The following USP42 variants were observed in gnomAD, a reference collection of about 807,000 sequenced individuals.
The protein encoded by USP42 is ubiquitin carboxyl-terminal hydrolase 42.
A neutral mutation model predicts 113.0 loss-of-function variants in USP42; 23 were observed. The ratio of observed to expected loss-of-function variants is 0.20; its 90% CI spans 0.15 to 0.29. USP42 has a LOEUF of 0.29. Ranked by LOEUF, USP42 falls within the 10% of genes least tolerant of loss-of-function variation. The pLI is 1.00. For synonymous variants in USP42, 933 were observed against 699.0 expected (o/e 1.33, Z -5.28); for missense variants, 2,174 against 1,779.8 (o/e 1.22, Z -3.99).
rs1401333652 is a variant in USP42 at position 6,159,589 on chromosome 7, G to GGGCT, written c.*36+97_*36+100dup. On this transcript the variant is annotated intron_variant, in intron 17 of 17. Transcript: ENST00000306177. This position sits in a 1 kb window ranked among gnomAD's most constrained non-coding sequence, Gnocchi z 4.1. ...AATTCTGCGGCTCTGCCTGGGGGCT[G>GGGCT]GGCTCATAGGAGTTGGCAGAGCCAT... 6 of 1,298,404 alleles carry GGGCT rather than the reference G, an allele frequency of 4.6e-6. No homozygotes were observed. The highest frequency in any genetic ancestry group is 5.4e-6 in the Non-Finnish European group (5 of 922,572). 80.4% of individuals were successfully genotyped at this position (1,298,404 alleles called of 1,614,324 possible). A position where few individuals can be genotyped will look rare whatever the true frequency, so the allele number is the denominator to read the frequency against.
At position 6,139,028 on chromosome 7, in the gene USP42, G is replaced by T; in HGVS notation, c.554-64G>T. The T allele has an allele frequency of 9.9e-7, 1 of 1,006,818 alleles. No homozygotes were observed. The highest frequency in any genetic ancestry group is 1.6e-5 in the South Asian group (1 of 62,832). 62.4% of individuals were successfully genotyped at this position (1,006,818 alleles called of 1,614,324 possible). On this transcript the variant is annotated intron_variant, in intron 4 of 17. Coordinates refer to ENST00000306177, the MANE Select transcript of USP42 (RefSeq NM_032172.3). The surrounding 1 kb of genome is among the most constrained non-coding windows in gnomAD (Gnocchi z 4.5). The stretch of plus-strand genomic sequence containing the variant: ...AACATATTATTATAAGATATATTTT[G>T]GGGGGTACAACTTAGGCTTATTACG...
the USP42 span, among the ~76,000 whole-genome samples, chr7:6,091,714 C>T: frequency 6.7e-6 from 1 of 148,802 alleles, no homozygotes; most frequent in Non-Finnish European, 1.5e-5. Context: ...CACACACACA[C>T]ATATATATGT....
In USP42 at chr7:6,141,128, C is replaced by G. The variant is rs1384847037; in HGVS notation, c.795+144C>G. Reference sequence around the variant, plus strand: ...TAAGATTTCATTTGGAGGAATTATTCAAGCTTTGTAGTAAGCATCATAAAA... The same window carrying G: ...TAAGATTTCATTTGGAGGAATTATTGAAGCTTTGTAGTAAGCATCATAAAA... On this transcript the variant is annotated intron_variant, in intron 7 of 17. Transcript: ENST00000306177. 1.4e-5 allele frequency: 6 copies of G among 420,186 alleles called. No homozygotes were observed. The Admixed American group carries it at 2.4e-4, about 16-fold the overall frequency. The allele number at this position is 420,186 out of a possible 1,614,324, so 26.0% of individuals were successfully genotyped here. A position where few individuals can be genotyped will look rare whatever the true frequency, so the allele number is the denominator to read the frequency against.
At chr7:6,123,675 A>T (rs1454175840) in intron 3 of USP42, among the ~76,000 whole-genome samples, 2 of 151,776 alleles carry the variant, frequency 1.3e-5, no homozygotes. Flanking sequence ...AATAAAAAAT[A>T]AATAAAAATA....
chr7:6,125,784 G>A (rs1780508681), intron 3 of USP42, among the ~76,000 whole-genome samples: 1 of 147,360 alleles, frequency 6.8e-6, no homozygotes, highest in Non-Finnish European at 1.5e-5. Flanking sequence ...ATGCTCAGGG[G>A]TTGTTTATTT....
intron 1 of USP42, among the ~76,000 whole-genome samples, chr7:6,106,870 GGTT>G (rs1441362013): frequency 1.1e-4 from 16 of 152,288 alleles, no homozygotes; most frequent in African/African-American, 3.4e-4. Context: ...CCCACCTGTA[GGTT>G]GTTGTTTTAA....
chr7:6,149,676 A>G lies in USP42; in HGVS notation c.1480A>G (p.Ser494Gly). The G allele has an allele frequency of 6.2e-7, 1 of 1,613,982 alleles. No homozygotes were observed. The highest frequency in any genetic ancestry group is 8.5e-7 in the Non-Finnish European group (1 of 1,179,892). Reference protein sequence around the residue: ...PNGNSSVNRASPVNASASVQN... With the variant: ...PNGNSSVNRAGPVNASASVQN... ...CGGGAATTCCAGTGTCAACAGGGCT[A>G]GTCCTGTTAATGCTTCAGCTTCTGT... Residue 494 changes from serine to glycine, a missense_variant, in exon 13 of 18, where the codon AGT (serine) becomes GGT (glycine). Coordinates refer to ENST00000306177, the MANE Select transcript of USP42 (RefSeq NM_032172.3).
intron 3 of USP42, among the ~76,000 whole-genome samples, chr7:6,133,636 C>T (rs572513801): frequency 6.6e-6 from 1 of 151,922 alleles, no homozygotes; most frequent in Admixed American, 6.6e-5. Flanking sequence ...CATCCCACAT[C>T]AGCCTCTGGA....
intron 14 of USP42, among the ~76,000 whole-genome samples, chr7:6,151,853 C>A (rs182723499): frequency 6.6e-6 from 1 of 152,148 alleles, no homozygotes; most frequent in African/African-American, 2.4e-5. Context: ...ACCACACTCA[C>A]GAGGCACGCG....
Position 6,154,626 on chromosome 7 carries a change from C to T in USP42, c.3072C>T (p.His1024=), listed in dbSNP as rs775125730. 5.0e-6 allele frequency: 8 copies of T among 1,600,568 alleles called. No individual in the cohort carries two copies. The highest frequency in any genetic ancestry group is 6.8e-6 in the Non-Finnish European group (8 of 1,174,990). Reference sequence around the variant, plus strand: ...GGTGCAGTCACCACCACTCCCGACACCGGAGCGGGGTGGAGCTGGACTGGG... The same window carrying T: ...GGTGCAGTCACCACCACTCCCGACATCGGAGCGGGGTGGAGCTGGACTGGG... ...LGRCSHHHSR[H]RSGVELDWVR... is the part of the protein sequence containing the mutation. The change falls in exon 15 of 18, where the codon CAC becomes CAT. Residue 1024 remains histidine (H), a synonymous_variant. Transcript: ENST00000306177.
At chr7:6,091,881 T>C in the USP42 span, among the ~76,000 whole-genome samples, 1 of 150,912 alleles carries the variant, frequency 6.6e-6, no homozygotes. Flanking sequence ...ACCACAGCAC[T>C]CTCAATCGGC....
rs538299886 is a variant in USP42 at position 6,156,698 on chromosome 7, C to T, written c.3642-56C>T. Reference sequence around the variant, plus strand: ...GGGTGGAAAGGCCAAGCTCCAGGGTCTGCTGCTGGTGGTTTTGTGTTTTAG... The same window carrying T: ...GGGTGGAAAGGCCAAGCTCCAGGGTTTGCTGCTGGTGGTTTTGTGTTTTAG... On this transcript the variant is annotated intron_variant, in intron 15 of 17. Coordinates refer to ENST00000306177, the MANE Select transcript of USP42 (RefSeq NM_032172.3). 9.9e-5 allele frequency: 146 copies of T among 1,478,874 alleles called. 3 individuals carry two copies. In the South Asian group the frequency reaches 2.0e-3, roughly 20 times the overall value. 91.6% of individuals were successfully genotyped at this position (1,478,874 alleles called of 1,614,324 possible).
chr7:6,109,450 T>G (rs1779471596), intron 1 of USP42, among the ~76,000 whole-genome samples: 1 of 152,204 alleles, frequency 6.6e-6, no homozygotes, highest in African/African-American at 2.4e-5. Flanking sequence ...TGGAGTGCAG[T>G]GGCATGATCT....
chr7:6,081,734 G>T, the USP42 span: 1 of 152,270 alleles, frequency 6.6e-6, no homozygotes, highest in Non-Finnish European at 1.5e-5. Context: ...AAAGCCGACT[G>T]CGCCTACGTG....
At chr7:6,136,770 A>C (rs1056950069) in intron 4 of USP42, among the ~76,000 whole-genome samples, 10 of 152,122 alleles carry the variant, frequency 6.6e-5, no homozygotes, top group African/African-American at 2.2e-4. Flanking sequence ...AAAATAAAAT[A>C]AGAAATAAAT....
intron 2 of USP42, among the ~76,000 whole-genome samples, chr7:6,112,893 TA>T (rs1158056901): frequency 6.8e-6 from 1 of 147,112 alleles, no homozygotes; most frequent in African/African-American, 2.6e-5. Context: ...AGTCCTTTAG[TA>T]AGTTTCTTTT....
Position 6,139,021 on chromosome 7 carries a change from A to G in USP42, c.554-71A>G, listed in dbSNP as rs1002420463. On this transcript the variant is annotated intron_variant, in intron 4 of 17. Coordinates refer to ENST00000306177, the MANE Select transcript of USP42 (RefSeq NM_032172.3). The surrounding 1 kb of genome is among the most constrained non-coding windows in gnomAD (Gnocchi z 4.5). ...TCCAACCAACATATTATTATAAGAT[A>G]TATTTTGGGGGGTACAACTTAGGCT... 1.9e-5 allele frequency: 18 copies of G among 944,850 alleles called. No individual in the cohort carries two copies. The highest frequency in any genetic ancestry group is 5.5e-5 in the Admixed American group (2 of 36,210). The allele number at this position is 944,850 out of a possible 1,614,324, so 58.5% of individuals were successfully genotyped here. A position where few individuals can be genotyped will look rare whatever the true frequency, so the allele number is the denominator to read the frequency against.
chr7:6,128,523 A>T lies in USP42; in HGVS notation c.443-7318A>T, dbSNP rs190271374. 2.6e-5 allele frequency among the ~76,000 whole-genome samples: 4 copies of T among 152,064 alleles called. No homozygotes were observed. In the East Asian group the frequency reaches 7.7e-4, roughly 29 times the overall value. ...TGCCTGTGTCATTACATTTGAAGTGAGTTTTTCTGTAAACAGCGTATCGTT... is the reference window on the plus strand; with the variant it reads ...TGCCTGTGTCATTACATTTGAAGTGTGTTTTTCTGTAAACAGCGTATCGTT... On this transcript the variant is annotated intron_variant, in intron 3 of 17. Coordinates refer to ENST00000306177, the MANE Select transcript of USP42 (RefSeq NM_032172.3).
chr7:6,120,255 C>T (rs889622685), intron 3 of USP42, among the ~76,000 whole-genome samples: 6 of 151,094 alleles, frequency 4.0e-5, no homozygotes, highest in Non-Finnish European at 5.9e-5. Context: ...TGAGCCACTG[C>T]GCCCGGCCCT....
Sources: allele counts gnomAD v4.1 joint callset (sites outside exome capture counted in the v4.1 genomes callset), GRCh38; gene constraint gnomAD v4.1.1; non-coding constraint Gnocchi (gnomAD v3.1); transcripts MANE v1.5; gene names NCBI Gene and HGNC (gene_info 2026-07-23, HGNC 2026-07-21).